CBLB: variants seen among roughly 807,000 people sequenced by gnomAD.
CBLB encodes E3 ubiquitin-protein ligase CBL-B.
In CBLB, 31 loss-of-function variants were observed where a neutral mutation model predicts 104.9. That is an observed-to-expected ratio of 0.30 (90% CI 0.22 to 0.40). The LOEUF (loss-of-function observed/expected upper bound fraction) is 0.40. Among genes scored for constraint, CBLB ranks in the 10% least tolerant of loss-of-function variants. The pLI, the probability that CBLB is intolerant of heterozygous loss-of-function variation, is 1.00. For synonymous variants in CBLB, 440 were observed against 422.6 expected (o/e 1.04, Z -0.51); for missense variants, 1,062 against 1,214.6 (o/e 0.87, Z 1.87).
At chr3:105,688,425 T>C (rs964560012) in intron 13 of CBLB, among the ~76,000 whole-genome samples, 12 of 152,032 alleles carry the variant, frequency 7.9e-5, no homozygotes, top group Non-Finnish European at 1.6e-4. Context: ...ATCTTCTACA[T>C]ATGCACACTT....
At chr3:105,666,073 T>A (rs528602741) in intron 18 of CBLB, among the ~76,000 whole-genome samples, 1 of 151,890 alleles carries the variant, frequency 6.6e-6, no homozygotes, top group East Asian at 1.9e-4. Flanking sequence ...TAGCAAAGCA[T>A]CAGGACTATA....
At chr3:105,803,904 A>G (rs1381776960) in intron 3 of CBLB, among the ~76,000 whole-genome samples, 1 of 152,126 alleles carries the variant, frequency 6.6e-6, no homozygotes, top group Non-Finnish European at 1.5e-5. Context: ...ATAACAAGAC[A>G]CTCAATTACA....
At chr3:105,783,033 C>T (rs2080481104) in intron 3 of CBLB, among the ~76,000 whole-genome samples, 1 of 152,156 alleles carries the variant, frequency 6.6e-6, no homozygotes, top group East Asian at 1.9e-4. Context: ...CATGAAATAA[C>T]ATGCCAGCCT....
At chr3:105,777,768 A>T (rs1351899150) in intron 3 of CBLB, among the ~76,000 whole-genome samples, 4 of 152,248 alleles carry the variant, frequency 2.6e-5, no homozygotes, top group Non-Finnish European at 2.9e-5. Context: ...TACAGGTGTC[A>T]GCTCTATTCT....
At chr3:105,868,188 G>A (rs1223717398) in intron 1 of CBLB, 1 of 1,229,926 alleles carries the variant, frequency 8.1e-7, no homozygotes, top group Non-Finnish European at 1.0e-6. Context: ...AATCAACGCG[G>A]TGAGTCGTTA....
intron 4 of CBLB, among the ~76,000 whole-genome samples, chr3:105,764,205 G>C (rs2077973528): frequency 6.6e-6 from 1 of 151,864 alleles, no homozygotes; most frequent in African/African-American, 2.4e-5. Flanking sequence ...TAAATCCAGG[G>C]GCACACACTA....
At chr3:105,665,425 A>G (rs2064304924) in intron 18 of CBLB, among the ~76,000 whole-genome samples, 1 of 98,160 alleles carries the variant, frequency 1.0e-5, no homozygotes, top group South Asian at 3.5e-4. Context: ...AAATATATAT[A>G]TATATATATA....
intron 10 of CBLB, among the ~76,000 whole-genome samples, chr3:105,717,163 AG>A (rs2072018756): frequency 6.6e-6 from 1 of 152,150 alleles, no homozygotes; most frequent in Admixed American, 6.6e-5. Context: ...TCTCCCAAGC[AG>A]TAAGGTATAC....
intron 4 of CBLB, among the ~76,000 whole-genome samples, chr3:105,764,852 T>C (rs952670542): frequency 1.3e-5 from 2 of 152,220 alleles, no homozygotes; most frequent in African/African-American, 4.8e-5. Context: ...TTACTGGTGA[T>C]ATGGAGAAAG....
At chr3:105,801,585 T>C (rs986105236) in intron 3 of CBLB, among the ~76,000 whole-genome samples, 1 of 152,234 alleles carries the variant, frequency 6.6e-6, no homozygotes, top group African/African-American at 2.4e-5. Flanking sequence ...TTCATTTACA[T>C]GAAATGGTCT....
intron 3 of CBLB, among the ~76,000 whole-genome samples, chr3:105,816,899 A>G (rs920621203): frequency 6.6e-6 from 1 of 152,152 alleles, no homozygotes; most frequent in African/African-American, 2.4e-5. Flanking sequence ...GTTTAAAAAA[A>G]AAAGGGTTTT....
At chr3:105,839,343 A>AT (rs1222136532) in intron 3 of CBLB, 2 of 152,322 alleles carry the variant, frequency 1.3e-5, no homozygotes, top group African/African-American at 4.8e-5. Context: ...TTTTAAAATG[A>AT]TTATATACAT....
At chr3:105,723,826 C>A (rs2073224349) in intron 9 of CBLB, among the ~76,000 whole-genome samples, 1 of 152,040 alleles carries the variant, frequency 6.6e-6, no homozygotes, top group Non-Finnish European at 1.5e-5. Flanking sequence ...TATTTGCTCT[C>A]AGCATGATTA....
Position 105,657,694 on chromosome 3 carries a change from C to T in CBLB, c.*1276G>A. The T allele has an allele frequency of 4.9e-6, 1 of 205,016 alleles. No individual in the cohort carries two copies. Among genetic ancestry groups the T allele is most frequent in the African/African-American group, 2.3e-5 (1 of 43,862 alleles). 12.7% of individuals were successfully genotyped at this position (205,016 alleles called of 1,614,324 possible). Reference sequence around the variant, plus strand: ...ATAACATGGTGTTTAAAGAACCAACCACCATTTTGTAAAATAGGCAAAACT... The same window carrying T: ...ATAACATGGTGTTTAAAGAACCAACTACCATTTTGTAAAATAGGCAAAACT... On this transcript the variant is annotated 3_prime_UTR_variant, in exon 19 of 19. Transcript: ENST00000394030.
At chr3:105,712,410 T>A (rs1576535648) in intron 10 of CBLB, among the ~76,000 whole-genome samples, 1 of 152,008 alleles carries the variant, frequency 6.6e-6, no homozygotes, top group South Asian at 2.1e-4. Flanking sequence ...CAGGGAAGGG[T>A]GACATATAAT....
At chr3:105,845,667 T>C (rs757789859) in intron 3 of CBLB, among the ~76,000 whole-genome samples, 11 of 152,038 alleles carry the variant, frequency 7.2e-5, no homozygotes, top group Non-Finnish European at 4.4e-5. Flanking sequence ...CATAAAGTCC[T>C]TAACAGTCAA....
chr3:105,662,301 T>C (rs1695163339), intron 18 of CBLB, among the ~76,000 whole-genome samples: 1 of 152,200 alleles, frequency 6.6e-6, no homozygotes, highest in South Asian at 2.1e-4. Flanking sequence ...AAGGAAGCAA[T>C]GAAATGAAGA....
intron 17 of CBLB, among the ~76,000 whole-genome samples, chr3:105,676,839 T>C (rs2065706908): frequency 6.6e-6 from 1 of 152,156 alleles, no homozygotes; most frequent in African/African-American, 2.4e-5. Context: ...CTCATGATAG[T>C]GAGTGCTCAT....
At chr3:105,690,186 C>T (rs180898520) in intron 13 of CBLB, among the ~76,000 whole-genome samples, 1 of 152,202 alleles carries the variant, frequency 6.6e-6, no homozygotes, top group Admixed American at 6.5e-5. Context: ...GAGTTTTCAA[C>T]ATTTGTAAGA....
Sources: gnomAD v4.1 joint callset for allele counts (sites outside exome capture counted in the v4.1 genomes callset) on GRCh38, gnomAD v4.1.1 for gene constraint, MANE v1.5 for transcripts, NCBI Gene and HGNC (gene_info 2026-07-23, HGNC 2026-07-21) for gene names.